SOS2: variants seen among roughly 807,000 people sequenced by gnomAD.
The protein encoded by SOS2 is SOS Ras/Rho guanine nucleotide exchange factor 2.
In SOS2, 65 loss-of-function variants were observed where a neutral mutation model predicts 148.2. The observed-to-expected ratio is 0.44, with a 90% CI of 0.36 to 0.54. The LOEUF (loss-of-function observed/expected upper bound fraction) is 0.54. Ranked by LOEUF, SOS2 falls within the 20% of genes least tolerant of loss-of-function variation. The pLI is 0.00. For synonymous variants in SOS2, 539 were observed against 537.1 expected (o/e 1.00, Z -0.05); for missense variants, 1,341 against 1,590.2 (o/e 0.84, Z 2.67).
chr14:50,171,466 A>G (rs939516096), intron 8 of SOS2, among the ~76,000 whole-genome samples: 1 of 152,012 alleles, frequency 6.6e-6, no homozygotes, highest in Non-Finnish European at 1.5e-5. Context: ...TGGACAGATC[A>G]TGAGGTCAAG....
intron 8 of SOS2, among the ~76,000 whole-genome samples, chr14:50,167,801 T>G (rs1885213042): frequency 1.4e-5 from 1 of 70,578 alleles, no homozygotes; most frequent in Non-Finnish European, 2.8e-5. Context: ...ACCCAGGAGG[T>G]GGGGGTTGTA....
At chr14:50,119,418 A>C (rs1883421566) in intron 22 of SOS2, among the ~76,000 whole-genome samples, 1 of 152,238 alleles carries the variant, frequency 6.6e-6, no homozygotes, top group Admixed American at 6.5e-5. Context: ...ATGCACCCTT[A>C]AAATTTTGAG....
At chr14:50,211,478 G>A (rs1418690527) in intron 1 of SOS2, among the ~76,000 whole-genome samples, 1 of 151,750 alleles carries the variant, frequency 6.6e-6, no homozygotes, top group Non-Finnish European at 1.5e-5. Context: ...CCCGGTGTCT[G>A]TTGTTAACAT....
chr14:50,218,218 G>GAAA, intron 1 of SOS2, among the ~76,000 whole-genome samples: 1 of 95,818 alleles, frequency 1.0e-5, no homozygotes, highest in Admixed American at 1.1e-4. Context: ...TCGATAAAAG[G>GAAA]AAAAAAAAAA....
At chr14:50,122,769 T>C (rs1296301338) in intron 21 of SOS2, among the ~76,000 whole-genome samples, 1 of 152,250 alleles carries the variant, frequency 6.6e-6, no homozygotes, top group East Asian at 1.9e-4. Context: ...CTACAGTCTT[T>C]ATGAACTTTT....
At position 50,148,358 on chromosome 14, in the gene SOS2, C is replaced by T. The variant is rs977624355; in HGVS notation, c.2384+1650G>A. On this transcript the variant is annotated intron_variant, in intron 14 of 22. Coordinates refer to ENST00000216373, the MANE Select transcript of SOS2 (RefSeq NM_006939.4). ...TTGGGAGGCACAGGTTGCAGTGAGC[C>T]GAGATTGCACAACTGCACTCCAGCC... is the stretch of plus-strand genomic sequence containing the variant. Among the ~76,000 whole-genome samples the T allele has an allele frequency of 1.8e-4, 26 of 146,858 alleles. 1 individual carries two copies. Among genetic ancestry groups the T allele is most frequent in the Admixed American group, 1.7e-3 (25 of 14,318 alleles).
At chr14:50,221,297 A>G (rs1033496312) in intron 1 of SOS2, among the ~76,000 whole-genome samples, 1 of 152,092 alleles carries the variant, frequency 6.6e-6, no homozygotes, top group Non-Finnish European at 1.5e-5. Flanking sequence ...TGTTTCATTC[A>G]CTTATGTTTA....
intron 6 of SOS2, 28 bp downstream of exon 6, chr14:50,182,435 G>T (rs374595598): frequency 1.2e-6 from 2 of 1,605,570 alleles, no homozygotes; most frequent in African/African-American, 1.3e-5. Context: ...GGGCTTTAAT[G>T]AGAATATAAG....
chr14:50,155,773 G>A (rs772580148), intron 12 of SOS2: 21 of 152,038 alleles, frequency 1.4e-4, no homozygotes, highest in Non-Finnish European at 2.5e-4. Flanking sequence ...GAGCTTATAT[G>A]ACTGAGAAAC....
intron 22 of SOS2, among the ~76,000 whole-genome samples, chr14:50,119,673 T>A (rs1219310007): frequency 1.3e-5 from 2 of 151,896 alleles, no homozygotes; most frequent in African/African-American, 4.8e-5. Flanking sequence ...GTAGCTGGGA[T>A]TACAGGTGCC....
Position 50,118,285 on chromosome 14 carries a change from A to T in SOS2, c.*59T>A. Reference sequence around the variant, plus strand: ...AAAATACTATGTCTTTTTTTGAATAAATTAAAAAAAAAACTTTACAAATAC... The same window carrying T: ...AAAATACTATGTCTTTTTTTGAATATATTAAAAAAAAAACTTTACAAATAC... On this transcript the variant is annotated 3_prime_UTR_variant, in exon 23 of 23. Transcript: ENST00000216373. The T allele has an allele frequency of 7.1e-7, 1 of 1,405,140 alleles. No individual in the cohort carries two copies. The highest frequency in any genetic ancestry group is 9.7e-7 in the Non-Finnish European group (1 of 1,033,902). 87.0% of individuals were successfully genotyped at this position (1,405,140 alleles called of 1,614,324 possible).
At chr14:50,200,447 C>A (rs1412428364) in intron 3 of SOS2, among the ~76,000 whole-genome samples, 2 of 152,090 alleles carry the variant, frequency 1.3e-5, no homozygotes, top group Non-Finnish European at 2.9e-5. Context: ...TCTGAACTCA[C>A]AGTAGCTTCT....
intron 4 of SOS2, among the ~76,000 whole-genome samples, chr14:50,197,504 G>C (rs1165330788): frequency 6.6e-6 from 1 of 151,994 alleles, no homozygotes; most frequent in African/African-American, 2.4e-5. Context: ...GAAAACAACA[G>C]AGAAAACCGA....
intron 5 of SOS2, among the ~76,000 whole-genome samples, chr14:50,186,604 G>A (rs1338228849): frequency 7.0e-5 from 10 of 142,728 alleles, no homozygotes; most frequent in Non-Finnish European, 1.4e-4. Context: ...AACATAGCAA[G>A]ACCCCCATCT....
chr14:50,150,739 T>C (rs538756842), intron 13 of SOS2, among the ~76,000 whole-genome samples: 1 of 151,998 alleles, frequency 6.6e-6, no homozygotes, highest in South Asian at 2.1e-4. Flanking sequence ...TGTATTTTTT[T>C]TGAAATGGAG....
intron 18 of SOS2, among the ~76,000 whole-genome samples, chr14:50,136,680 T>C (rs973336916): frequency 6.6e-6 from 1 of 151,888 alleles, no homozygotes; most frequent in Non-Finnish European, 1.5e-5. Flanking sequence ...ACATTTGCCT[T>C]CTGGGTCCAA....
intron 16 of SOS2, among the ~76,000 whole-genome samples, chr14:50,144,156 GA>G (rs1316695066): frequency 2.0e-5 from 3 of 151,556 alleles, no homozygotes; most frequent in Non-Finnish European, 2.9e-5. Flanking sequence ...AATTATCACA[GA>G]AAAAAATCAG....
chr14:50,229,734 C>T (rs1320356424), intron 1 of SOS2, among the ~76,000 whole-genome samples: 1 of 152,198 alleles, frequency 6.6e-6, no homozygotes, highest in Non-Finnish European at 1.5e-5. Context: ...GCAACACACA[C>T]CCAAATACTA....
intron 7 of SOS2, among the ~76,000 whole-genome samples, chr14:50,175,437 T>C (rs1301884107): frequency 6.9e-6 from 1 of 144,806 alleles, no homozygotes; most frequent in African/African-American, 2.4e-5. Context: ...ACTTTTTTTT[T>C]TTTTTTTTTT....
Sources: allele counts gnomAD v4.1 joint callset (sites outside exome capture counted in the v4.1 genomes callset), GRCh38; gene constraint gnomAD v4.1.1; transcripts MANE v1.5; gene names NCBI Gene and HGNC (gene_info 2026-07-23, HGNC 2026-07-21).